Variants in USP14 observed in about 807,000 individuals in gnomAD.
USP14 encodes the protein ubiquitin specific peptidase 14, also known as ubiquitin carboxyl-terminal hydrolase 14.
USP14 carries 38 observed loss-of-function variants against 76.5 expected under a neutral mutation model. The observed-to-expected ratio is 0.50, with a 90% CI of 0.38 to 0.65. The LOEUF (loss-of-function observed/expected upper bound fraction) is 0.65, where lower values mean the gene tolerates loss of function less well. Among genes scored for constraint, USP14 ranks in the 30% least tolerant of loss-of-function variants. USP14 has a pLI of 0.00. For synonymous variants in USP14, 192 were observed against 191.7 expected, an observed-to-expected ratio of 1.00 and a Z score of -0.01; for missense variants, 467 against 586.5, an observed-to-expected ratio of 0.80 and a Z score of 2.10.
intron 13 of USP14, among the ~76,000 whole-genome samples, chr18:206,797 A>T (rs1163028844): frequency 2.0e-5 from 3 of 152,194 alleles, no homozygotes; most frequent in African/African-American, 7.2e-5. Context: ...GCTACTTGGG[A>T]GGCTGAGGCA....
chr18:162,613 CTT>C (rs1194542227), intron 1 of USP14, among the ~76,000 whole-genome samples: 1 of 152,084 alleles, frequency 6.6e-6, no homozygotes, highest in African/African-American at 2.4e-5. Context: ...CTCTCTCTCT[CTT>C]CTTTTCCAAT....
chr18:201,467 G>A (rs1910382124), intron 10 of USP14, among the ~76,000 whole-genome samples: 2 of 152,188 alleles, frequency 1.3e-5, no homozygotes, highest in South Asian at 2.1e-4. Context: ...GTTGGCAAGG[G>A]GAAGGGTTGT....
At chr18:196,192 CAT>C (rs1910229016) in intron 6 of USP14, among the ~76,000 whole-genome samples, 7 of 151,824 alleles carry the variant, frequency 4.6e-5, no homozygotes, top group Admixed American at 2.6e-4. Flanking sequence ...GGCATGGTGG[CAT>C]GCTCCTGTAA....
At chr18:195,585 C>T (rs1261740136) in intron 6 of USP14, among the ~76,000 whole-genome samples, 1 of 152,170 alleles carries the variant, frequency 6.6e-6, no homozygotes, top group Non-Finnish European at 1.5e-5. Context: ...GAGATTCATG[C>T]TGCTGAGAGG....
At chr18:200,282 T>G (rs980320696) in intron 10 of USP14, among the ~76,000 whole-genome samples, 22 of 152,178 alleles carry the variant, frequency 1.4e-4, no homozygotes. Flanking sequence ...TGAGAGTAAC[T>G]ATAGGGTTGT....
intron 13 of USP14, among the ~76,000 whole-genome samples, chr18:206,716 A>G (rs926879891): frequency 1.3e-5 from 2 of 152,254 alleles, no homozygotes; most frequent in Admixed American, 6.5e-5. Flanking sequence ...CCTGGCAAAC[A>G]TGGTGAAACC....
intron 13 of USP14, among the ~76,000 whole-genome samples, chr18:208,890 C>T (rs1020096505): frequency 2.6e-5 from 4 of 152,240 alleles, no homozygotes; most frequent in Admixed American, 6.5e-5. Flanking sequence ...GGATTACAGG[C>T]GAGTGCCACC....
chr18:160,932 T>A (rs1415832821), intron 1 of USP14, among the ~76,000 whole-genome samples: 1 of 152,180 alleles, frequency 6.6e-6, no homozygotes, highest in African/African-American at 2.4e-5. Context: ...TATTTTATTT[T>A]TTTTTATTTT....
At chr18:176,443 A>G (rs1043005166) in intron 3 of USP14, among the ~76,000 whole-genome samples, 2 of 152,116 alleles carry the variant, frequency 1.3e-5, no homozygotes, top group African/African-American at 4.8e-5. Context: ...GTGTGCCACC[A>G]CACATGGCTT....
chr18:174,898 C>T (rs915279364), intron 3 of USP14, among the ~76,000 whole-genome samples: 8 of 152,126 alleles, frequency 5.3e-5, no homozygotes, highest in African/African-American at 1.2e-4. Context: ...GCCTCAGCCT[C>T]CCGAGTAGCT....
intron 14 of USP14, 93 bp downstream of exon 14, chr18:210,124 G>T (rs1910631022): frequency 9.5e-7 from 1 of 1,057,120 alleles, no homozygotes; most frequent in Admixed American, 2.7e-5. Flanking sequence ...ATTCTGATGT[G>T]CTTTTCAAAC....
chr18:214,198 T>C lies in USP14; in HGVS notation c.*2914T>C, dbSNP rs1207917416. 1 of 160,490 alleles carries C rather than the reference T, an allele frequency of 6.2e-6. No homozygotes were observed. Among genetic ancestry groups the C allele is most frequent in the Non-Finnish European group, 1.4e-5 (1 of 73,472 alleles). The allele number at this position is 160,490 out of a possible 1,614,324, so 9.9% of individuals were successfully genotyped here. ...GGCAGGCAGAACAAACCATCATTTG[T>C]TGATCCTCTGCTTGAAAGCACGAAT... On this transcript the variant is annotated 3_prime_UTR_variant, in exon 16 of 16. Coordinates refer to ENST00000261601, the MANE Select transcript of USP14 (RefSeq NM_005151.4).
At chr18:173,864 G>T (rs1170170099) in intron 3 of USP14, among the ~76,000 whole-genome samples, 1 of 152,180 alleles carries the variant, frequency 6.6e-6, no homozygotes, top group Non-Finnish European at 1.5e-5. Flanking sequence ...TTGAAAATCA[G>T]TTGACCATAA....
At chr18:162,536 T>G (rs1029874612) in intron 1 of USP14, among the ~76,000 whole-genome samples, 1 of 152,188 alleles carries the variant, frequency 6.6e-6, no homozygotes, top group African/African-American at 2.4e-5. Flanking sequence ...CTGTATTCCT[T>G]AAGTTGTTCT....
At position 166,767 on chromosome 18, in the gene USP14, TTTG is replaced by T; in HGVS notation, c.163-17_163-15del. 6.2e-7 allele frequency: 1 copy of T among 1,610,734 alleles called. No individual in the cohort carries two copies. The highest frequency in any genetic ancestry group is 2.2e-5 in the East Asian group (1 of 44,788). ...CTTGTACAGTGGTGGTTAAATGTCT[TTTG>T]TTTGTCTTTGAAACAGGATGATGAT... On this transcript the variant is annotated splice_polypyrimidine_tract_variant and intron_variant, in intron 2 of 15. Transcript: ENST00000261601.
intron 3 of USP14, among the ~76,000 whole-genome samples, chr18:171,679 T>A (rs1909468325): frequency 6.6e-6 from 1 of 152,222 alleles, no homozygotes; most frequent in Non-Finnish European, 1.5e-5. Context: ...TCTACTTTTA[T>A]TATTTAAGAG....
chr18:208,809 G>A (rs1321364451), intron 13 of USP14, among the ~76,000 whole-genome samples: 3 of 152,030 alleles, frequency 2.0e-5, no homozygotes, highest in Non-Finnish European at 4.4e-5. Flanking sequence ...GCATAGGTAC[G>A]ATCCCGGCTC....
intron 3 of USP14, among the ~76,000 whole-genome samples, chr18:175,800 T>C (rs1909611208): frequency 6.6e-6 from 1 of 152,180 alleles, no homozygotes; most frequent in Admixed American, 6.5e-5. Flanking sequence ...CCCACTCCAC[T>C]GGGATATTTT....
intron 7 of USP14, 85 bp downstream of exon 7, chr18:196,852 A>C: frequency 2.6e-6 from 4 of 1,521,574 alleles, no homozygotes; most frequent in Non-Finnish European, 3.6e-6. Flanking sequence ...CATAGTTCGA[A>C]ATATAAACAT....
Sources: gnomAD v4.1 joint callset for allele counts (sites outside exome capture counted in the v4.1 genomes callset) on GRCh38, gnomAD v4.1.1 for gene constraint, MANE v1.5 for transcripts, NCBI Gene and HGNC (gene_info 2026-07-23, HGNC 2026-07-21) for gene names.